CAMTA1: variants seen among roughly 807,000 people sequenced by gnomAD.
CAMTA1 encodes the protein calmodulin-binding transcription activator 1.
CAMTA1 carries 27 observed loss-of-function variants against 170.9 expected under a neutral mutation model. The ratio of observed to expected loss-of-function variants is 0.16; its 90% CI spans 0.12 to 0.22. The LOEUF (loss-of-function observed/expected upper bound fraction) is 0.22, where lower values mean the gene tolerates loss of function less well. Among genes scored for constraint, CAMTA1 ranks in the 10% least tolerant of loss-of-function variants. The probability of loss-of-function intolerance (pLI) is 1.00; values close to 1 mark genes in which losing one functional copy is unlikely to be tolerated. For synonymous variants in CAMTA1, 833 were observed against 891.5 expected (o/e 0.93, Z 1.17); for missense variants, 1,619 against 2,217.2 (o/e 0.73, Z 5.42).
chr1:7,750,955 A>G (rs745997060), intron 19 of CAMTA1: 2 of 649,060 alleles, frequency 3.1e-6, no homozygotes, highest in Non-Finnish European at 5.6e-6. Context: ...GAAGGGCAAG[A>G]TATTTTGATA....
rs982007320 is a variant in CAMTA1, at chr1:7,146,085, T to C, written c.302+54714T>C. Among the ~76,000 whole-genome samples, 1 of 152,162 alleles carries C rather than the reference T, an allele frequency of 6.6e-6. No individual in the cohort carries two copies. On this transcript the variant is annotated intron_variant, in intron 4 of 22. Transcript: ENST00000303635. This position sits in a 1 kb window ranked among gnomAD's most constrained non-coding sequence, Gnocchi z 4.3. ...CACTATGCCCAGTGCTTTAATTGGATCTTTTTTTTAAAATGGGATGATTGT... is the reference window on the plus strand; with the variant it reads ...CACTATGCCCAGTGCTTTAATTGGACCTTTTTTTTAAAATGGGATGATTGT...
At chr1:7,290,191 C>T (rs879925363) in intron 5 of CAMTA1, among the ~76,000 whole-genome samples, 9 of 152,274 alleles carry the variant, frequency 5.9e-5, no homozygotes, top group Admixed American at 5.2e-4. Flanking sequence ...TCAAGTCCAT[C>T]GTGTGGACAT....
intron 3 of CAMTA1, among the ~76,000 whole-genome samples, chr1:6,893,679 T>C (rs1023106118): frequency 6.6e-6 from 1 of 152,168 alleles, no homozygotes; most frequent in African/African-American, 2.4e-5. Context: ...CTAGGTGTGG[T>C]TCTTGGCTCT....
chr1:7,310,099 G>A (rs901644674), intron 5 of CAMTA1, among the ~76,000 whole-genome samples: 14 of 152,118 alleles, frequency 9.2e-5, no homozygotes, highest in African/African-American at 3.4e-4. Context: ...CAATTCTAGA[G>A]AATTACTTGT....
intron 4 of CAMTA1, among the ~76,000 whole-genome samples, chr1:7,153,794 T>C (rs1025738208): frequency 4.6e-5 from 7 of 152,186 alleles, no homozygotes; most frequent in African/African-American, 1.7e-4. Context: ...GTCCCTTGCA[T>C]GACAGGGACG....
chr1:7,097,761 C>A (rs532551735), intron 4 of CAMTA1, among the ~76,000 whole-genome samples: 1 of 152,180 alleles, frequency 6.6e-6, no homozygotes, highest in Non-Finnish European at 1.5e-5. Context: ...CGCAAAGAGC[C>A]ACACATTGTG....
intron 6 of CAMTA1, among the ~76,000 whole-genome samples, chr1:7,472,688 C>T (rs1173506107): frequency 6.6e-6 from 1 of 152,144 alleles, no homozygotes; most frequent in Non-Finnish European, 1.5e-5. Context: ...TTGCTGCCCC[C>T]ACATGAGCCT....
intron 6 of CAMTA1, among the ~76,000 whole-genome samples, chr1:7,505,908 C>A (rs1025702890): frequency 2.0e-5 from 3 of 152,142 alleles, no homozygotes; most frequent in African/African-American, 7.2e-5. Context: ...CACGACCTCA[C>A]CTGGCCCTCC....
chr1:7,308,935 G>C (rs1676017037), intron 5 of CAMTA1, among the ~76,000 whole-genome samples: 1 of 152,076 alleles, frequency 6.6e-6, no homozygotes, highest in Admixed American at 6.5e-5. Flanking sequence ...TATAGTTGTG[G>C]GTTCGTTTAG....
At chr1:7,670,105 A>T (rs1159181042) in intron 9 of CAMTA1, among the ~76,000 whole-genome samples, 1 of 152,084 alleles carries the variant, frequency 6.6e-6, no homozygotes, top group Non-Finnish European at 1.5e-5. Flanking sequence ...GGAGCTGAGG[A>T]AGGTCATTCG....
At chr1:7,380,485 A>G (rs1347319183) in intron 5 of CAMTA1, among the ~76,000 whole-genome samples, 1 of 152,216 alleles carries the variant, frequency 6.6e-6, no homozygotes, top group Admixed American at 6.5e-5. Flanking sequence ...GAGGCAGGAG[A>G]ACTGCTTGAA....
intron 19 of CAMTA1, 102 bp downstream of exon 19, chr1:7,747,883 G>A: frequency 1.6e-6 from 1 of 633,678 alleles, no homozygotes; most frequent in Admixed American, 2.9e-5. Flanking sequence ...CCTCATTACA[G>A]AGACTTAATT....
chr1:6,797,411 A>G (rs1642796065), intron 1 of CAMTA1, among the ~76,000 whole-genome samples: 1 of 146,198 alleles, frequency 6.8e-6, no homozygotes. Context: ...TTTGAGATGG[A>G]ATCTAGCTCT....
intron 1 of CAMTA1, among the ~76,000 whole-genome samples, chr1:6,792,908 T>G (rs1641519429): frequency 1.3e-5 from 2 of 152,104 alleles, no homozygotes; most frequent in African/African-American, 2.4e-5. Context: ...AAAGTGACAT[T>G]TCTTGAAAGA....
At chr1:7,111,065 G>A (rs2148375209) in intron 4 of CAMTA1, among the ~76,000 whole-genome samples, 1 of 152,298 alleles carries the variant, frequency 6.6e-6, no homozygotes, top group Non-Finnish European at 1.5e-5. Flanking sequence ...TGCATTCTTT[G>A]GCTCTGGGTC....
rs971202247 is a variant in CAMTA1, at chr1:7,534,248, C to T, written c.510+66347C>T. On this transcript the variant is annotated intron_variant, in intron 6 of 22. Coordinates refer to ENST00000303635, the MANE Select transcript of CAMTA1 (RefSeq NM_015215.4). This position sits in a 1 kb window ranked among gnomAD's most constrained non-coding sequence, Gnocchi z 5.6. Reference sequence around the variant, plus strand: ...TTCCTTTCCGTGAGAAACATCATAACGTTCAGCAGAGCCCAGGCTGGCTGG... The same window carrying T: ...TTCCTTTCCGTGAGAAACATCATAATGTTCAGCAGAGCCCAGGCTGGCTGG... Among the ~76,000 whole-genome samples, 1 of 152,206 alleles carries T rather than the reference C, an allele frequency of 6.6e-6. No homozygotes were observed. The highest frequency in any genetic ancestry group is 1.5e-5 in the Non-Finnish European group (1 of 68,038).
At chr1:7,700,716 C>A (rs905328425) in intron 11 of CAMTA1, 5 of 152,214 alleles carry the variant, frequency 3.3e-5, no homozygotes, top group African/African-American at 9.7e-5. Context: ...TGTAATAATA[C>A]ACATCAGATT....
chr1:7,116,478 G>A (rs1013636055), intron 4 of CAMTA1, among the ~76,000 whole-genome samples: 1 of 151,982 alleles, frequency 6.6e-6, no homozygotes, highest in African/African-American at 2.4e-5. Context: ...AACATGGAGG[G>A]GCAACTTATG....
At chr1:7,155,246 G>A (rs1646798546) in intron 4 of CAMTA1, among the ~76,000 whole-genome samples, 1 of 152,054 alleles carries the variant, frequency 6.6e-6, no homozygotes, top group African/African-American at 2.4e-5. Context: ...GGACAGGGCA[G>A]AATGAGCCTT....
Sources: allele counts gnomAD v4.1 joint callset (sites outside exome capture counted in the v4.1 genomes callset), GRCh38; gene constraint gnomAD v4.1.1; non-coding constraint Gnocchi (gnomAD v3.1); transcripts MANE v1.5; gene names NCBI Gene and HGNC (gene_info 2026-07-23, HGNC 2026-07-21).